ZNF609: variants seen among roughly 807,000 people sequenced by gnomAD.
ZNF609 encodes zinc finger protein 609.
Under a neutral mutation model 109.5 loss-of-function variants are expected in ZNF609, and 11 were observed. The observed-to-expected ratio is 0.10, with a 90% CI of 0.06 to 0.17. ZNF609 has a LOEUF of 0.17. Among genes scored for constraint, ZNF609 ranks in the 10% least tolerant of loss-of-function variants. ZNF609 has a pLI of 1.00. For missense variants in ZNF609, 1,559 were observed against 1,772.4 expected (o/e 0.88, Z 2.16); for synonymous variants, 646 against 662.0 (o/e 0.98, Z 0.37).
At chr15:64,467,463 T>C (rs1893031299) in intron 1 of ZNF609, among the ~76,000 whole-genome samples, 1 of 152,272 alleles carries the variant, frequency 6.6e-6, no homozygotes, top group Non-Finnish European at 1.5e-5. Flanking sequence ...TTGCCACAAG[T>C]GTCACTGTGG....
chr15:64,606,850 T>C (rs1895610720), intron 2 of ZNF609, among the ~76,000 whole-genome samples: 1 of 149,898 alleles, frequency 6.7e-6, no homozygotes. Flanking sequence ...ATACAAAAAT[T>C]AGCCAGGCAT....
chr15:64,524,063 G>GT (rs1893933103), intron 2 of ZNF609, among the ~76,000 whole-genome samples: 1 of 141,464 alleles, frequency 7.1e-6, no homozygotes. Flanking sequence ...AATAATTCAT[G>GT]TTTTCTTTTT....
chr15:64,674,040 A>G lies in ZNF609; in HGVS notation c.1186A>G (p.Ser396Gly), dbSNP rs781665047. 1.9e-6 allele frequency: 3 copies of G among 1,614,210 alleles called. No homozygotes were observed. The highest frequency in any genetic ancestry group is 1.7e-6 in the Non-Finnish European group (2 of 1,180,044). ...TATASDSKGT[S>G]NSSKTRAGAN... ...CACAGCCTCTGACAGCAAAGGGACC[A>G]GTAACAGCAGCAAAACCCGGGCAGG... Residue 396 changes from serine to glycine, a missense_variant, in exon 5 of 10, where the codon AGT becomes GGT. Ser to Gly is a moderately conservative substitution (Grantham distance 56, BLOSUM62 0). Transcript: ENST00000326648.
intron 2 of ZNF609, among the ~76,000 whole-genome samples, chr15:64,506,772 A>G (rs917410496): frequency 6.6e-6 from 1 of 152,148 alleles, no homozygotes; most frequent in Non-Finnish European, 1.5e-5. Flanking sequence ...TTCATATAAA[A>G]CACTTAGTGC....
At chr15:64,500,640 A>G in intron 2 of ZNF609, 1 of 555,480 alleles carries the variant, frequency 1.8e-6, no homozygotes, top group South Asian at 2.4e-5. Context: ...TGGTAGAACA[A>G]AGGGCTAAAT....
chr15:64,680,191 A>G lies in ZNF609; in HGVS notation c.3776A>G (p.Tyr1259Cys), dbSNP rs1347041285. 1 of 1,613,872 alleles carries G rather than the reference A, an allele frequency of 6.2e-7. No individual in the cohort carries two copies. Among genetic ancestry groups the G allele is most frequent in the African/African-American group, 1.3e-5 (1 of 74,960 alleles). Residue 1259 changes from tyrosine to cysteine, a missense_variant, in exon 7 of 10, where the codon TAC (tyrosine) becomes TGC (cysteine). Physicochemically the swap from Tyr to Cys is radical, Grantham distance 194. Coordinates refer to ENST00000326648, the MANE Select transcript of ZNF609 (RefSeq NM_015042.2). ...AVMMQNYPGS[Y>C]LPSSYSFSPY... Reference sequence around the variant, plus strand: ...TTGATTTCTCCTTCCACAGGTTCCTACCTGCCTTCCAGCTACTCTTTTTCC... The same window carrying G: ...TTGATTTCTCCTTCCACAGGTTCCTGCCTGCCTTCCAGCTACTCTTTTTCC...
intron 2 of ZNF609, among the ~76,000 whole-genome samples, chr15:64,604,989 G>A (rs907414921): frequency 2.6e-5 from 4 of 151,906 alleles, no homozygotes; most frequent in Non-Finnish European, 4.4e-5. Context: ...CCGCCACCAC[G>A]CCCGGCTAAT....
intron 3 of ZNF609, chr15:64,631,128 G>A: frequency 3.6e-6 from 2 of 556,930 alleles, no homozygotes; most frequent in Non-Finnish European, 6.9e-6. Flanking sequence ...GAATTTGTAG[G>A]GAAGAGGTTC....
At chr15:64,506,293 T>G (rs1893636162) in intron 2 of ZNF609, among the ~76,000 whole-genome samples, 1 of 151,434 alleles carries the variant, frequency 6.6e-6, no homozygotes, top group African/African-American at 2.4e-5. Context: ...TGGCTAATTT[T>G]TGTATTTTTA....
At chr15:64,503,605 C>T (rs928168628) in intron 2 of ZNF609, among the ~76,000 whole-genome samples, 2 of 152,164 alleles carry the variant, frequency 1.3e-5, no homozygotes, top group Non-Finnish European at 2.9e-5. Flanking sequence ...GGTGAGACTC[C>T]TTCTTTTCCC....
At position 64,463,190 on chromosome 15, in the gene ZNF609, T is replaced by G. The variant is rs568272852; in HGVS notation, c.-128+2352T>G. Among the ~76,000 whole-genome samples the G allele has an allele frequency of 2.0e-5, 3 of 152,126 alleles. No homozygotes were observed. The South Asian group carries it at 6.2e-4, about 32-fold the overall frequency. On this transcript the variant is annotated intron_variant, in intron 1 of 9. Transcript: ENST00000326648. ...TGGGAAGATCGCTTGAGTTCAGGAG[T>G]TCGAGACCAGCTTGGGCAACATGGC...
chr15:64,528,478 C>A (rs1894005403), intron 2 of ZNF609, among the ~76,000 whole-genome samples: 1 of 151,368 alleles, frequency 6.6e-6, no homozygotes, highest in South Asian at 2.1e-4. Context: ...TGGCTGAGCA[C>A]AAGGCACTTT....
intron 2 of ZNF609, among the ~76,000 whole-genome samples, chr15:64,528,309 G>T (rs1894000775): frequency 6.6e-6 from 1 of 151,554 alleles, no homozygotes; most frequent in Non-Finnish European, 1.5e-5. Context: ...ATATTAGCCA[G>T]GCTGGTCTCG....
chr15:64,549,045 A>G (rs1369636762), intron 2 of ZNF609, among the ~76,000 whole-genome samples: 1 of 152,216 alleles, frequency 6.6e-6, no homozygotes, highest in Non-Finnish European at 1.5e-5. Context: ...CGTTTTGCAT[A>G]GGAGAAATTC....
At chr15:64,574,320 G>A (rs59843503) in intron 2 of ZNF609, among the ~76,000 whole-genome samples, 7,009 of 151,860 alleles carry the variant, frequency 0.046, 540 homozygotes, top group African/African-American at 0.16. Context: ...AACCTGCAGG[G>A]GTTTATTGAT....
At chr15:64,603,084 C>T (rs1378376197) in intron 2 of ZNF609, among the ~76,000 whole-genome samples, 1 of 151,586 alleles carries the variant, frequency 6.6e-6, no homozygotes, top group African/African-American at 2.4e-5. Flanking sequence ...CCTTTGCATC[C>T]AGTTGCCTAT....
chr15:64,469,036 T>TAAAAAAAAAA (rs34593010), intron 1 of ZNF609, among the ~76,000 whole-genome samples: 1 of 60,794 alleles, frequency 1.6e-5, no homozygotes, highest in Non-Finnish European at 2.8e-5. Flanking sequence ...CCTCATATCT[T>TAAAAAAAAAA]AAAAAAAAAA....
intron 1 of ZNF609, chr15:64,471,257 A>T (rs1168859364): frequency 1.3e-5 from 2 of 152,088 alleles, no homozygotes. Context: ...GCTACTCAGG[A>T]GGCTGAGGCA....
intron 2 of ZNF609, among the ~76,000 whole-genome samples, chr15:64,612,709 T>C (rs1895737632): frequency 6.6e-6 from 1 of 151,070 alleles, no homozygotes; most frequent in Admixed American, 6.6e-5. Context: ...AGGGTCCAAG[T>C]GTAGTTACTG....
Sources: allele counts gnomAD v4.1 joint callset (sites outside exome capture counted in the v4.1 genomes callset), GRCh38; gene constraint gnomAD v4.1.1; transcripts MANE v1.5; gene names NCBI Gene and HGNC (gene_info 2026-07-23, HGNC 2026-07-21).